Variants in CYP4B1 observed in about 807,000 individuals in gnomAD.
CYP4B1 encodes the protein cytochrome P450 family 4 subfamily B member 1.
A neutral mutation model predicts 54.0 loss-of-function variants in CYP4B1; 45 were observed. The ratio of observed to expected loss-of-function variants is 0.83; its 90% CI spans 0.66 to 1.07. The LOEUF (loss-of-function observed/expected upper bound fraction) is 1.07, where lower values mean the gene tolerates loss of function less well. Among genes scored for constraint, CYP4B1 ranks in the 50% least tolerant of loss-of-function variants. CYP4B1 has a pLI of 0.00. For missense variants in CYP4B1, 656 were observed against 655.4 expected, an observed-to-expected ratio of 1.00 and a Z score of -0.01; for synonymous variants, 248 against 247.5, an observed-to-expected ratio of 1.00 and a Z score of -0.02.
chr1:46,812,246 G>T, intron 3 of CYP4B1: 1 of 639,176 alleles, frequency 1.6e-6, no homozygotes, highest in Non-Finnish European at 2.9e-6. Flanking sequence ...CAGGCTTTGT[G>T]GGTGCAGCTG....
Position 46,800,331 on chromosome 1 carries a change from T to C in CYP4B1, c.180+1070T>C, listed in dbSNP as rs28562624. 7.3e-3 allele frequency among the ~76,000 whole-genome samples: 1,020 copies of C among 139,294 alleles called. 57 individuals carry two copies. The highest frequency in any genetic ancestry group is 0.028 in the African/African-American group (914 of 32,644). 91.4% of individuals were successfully genotyped at this position (139,294 alleles called of 152,430 possible). ...CTTCCTTCTCTTTCTCTCTCTCTCT[T>C]TCTTTCTTTCTTTTTTTGATGGGGA... On this transcript the variant is annotated intron_variant, in intron 1 of 11. Transcript: ENST00000371923.
intron 7 of CYP4B1, 82 bp downstream of exon 7, chr1:46,814,397 C>A: frequency 1.0e-6 from 1 of 996,490 alleles, no homozygotes; most frequent in Non-Finnish European, 1.5e-6. Context: ...GCAGAAGGAG[C>A]TCTTAAGCAT....
chr1:46,817,468 A>G (rs1679382141), intron 9 of CYP4B1: 1 of 490,970 alleles, frequency 2.0e-6, no homozygotes, highest in Non-Finnish European at 3.7e-6. Flanking sequence ...CATGCAGGTC[A>G]TGCCCTGAAC....
chr1:46,811,918 T>C (rs61782656), intron 3 of CYP4B1, among the ~76,000 whole-genome samples: 26 of 152,294 alleles, frequency 1.7e-4, no homozygotes, highest in African/African-American at 6.3e-4. Context: ...GACTTTTTGC[T>C]TCTAACCCTC....
At position 46,810,946 on chromosome 1, in the gene CYP4B1, G is replaced by A. The variant is rs780326518; in HGVS notation, c.319G>A (p.Gly107Arg). The A allele has an allele frequency of 3.7e-6, 6 of 1,613,962 alleles. No individual in the cohort carries two copies. Among genetic ancestry groups the A allele is most frequent in the South Asian group, 3.3e-5 (3 of 91,052 alleles). The stretch of plus-strand genomic sequence containing the variant: ...CTATGCCAAAGCTGTGTACAGCCGT[G>A]GGGGTGAGGAGAGAGGATGGGGATC... ...PDYAKAVYSR[G>R]DPKAPDVYDF... The change falls in exon 2 of 12, where the codon GGG becomes AGG. Residue 107 changes from glycine (G) to arginine (R), a missense_variant. Physicochemically the swap from Gly to Arg is moderately radical, Grantham distance 125. Transcript: ENST00000371923.
intron 1 of CYP4B1, chr1:46,806,662 T>G (rs1162098591): frequency 3.3e-5 from 5 of 152,224 alleles, no homozygotes; most frequent in African/African-American, 1.2e-4. Context: ...AGGAAAGTGG[T>G]GACGTATGCT....
Position 46,799,232 on chromosome 1 carries a change from A to G in CYP4B1, c.151A>G (p.Thr51Ala). ...KAMDKFPGPP[T>A]HWLFGHALEI... ...TATGGACAAATTCCCAGGGCCTCCC[A>G]CCCACTGGCTTTTTGGACATGCCCT... The change falls in exon 1 of 12, where the codon ACC becomes GCC. Residue 51 changes from threonine to alanine, a missense_variant. Coordinates refer to ENST00000371923, the MANE Select transcript of CYP4B1 (RefSeq NM_001099772.2). The G allele has an allele frequency of 6.2e-7, 1 of 1,600,904 alleles. No homozygotes were observed. The highest frequency in any genetic ancestry group is 8.5e-7 in the Non-Finnish European group (1 of 1,173,652).
chr1:46,801,886 T>C (rs1569853713), intron 1 of CYP4B1, among the ~76,000 whole-genome samples: 1 of 152,170 alleles, frequency 6.6e-6, no homozygotes, highest in Admixed American at 6.5e-5. Flanking sequence ...CCAGCAATGA[T>C]GGGAGTAGGA....
At chr1:46,815,431 G>C in intron 8 of CYP4B1, 167 bp downstream of exon 8, 1 of 541,932 alleles carries the variant, frequency 1.8e-6, no homozygotes, top group Non-Finnish European at 3.1e-6. Context: ...GGTTGGCTGG[G>C]CACAGATGCA....
chr1:46,818,177 A>C lies in CYP4B1; in HGVS notation c.1319A>C (p.His440Pro). 1 of 1,614,154 alleles carries C rather than the reference A, an allele frequency of 6.2e-7. No homozygotes were observed. Among genetic ancestry groups the C allele is most frequent in the Non-Finnish European group, 8.5e-7 (1 of 1,180,016 alleles). ...TCCACTGAGAATGCATCCAAACGCCATCCCTTTGCCTTTATGCCCTTCTCT... is the reference window on the plus strand; with the variant it reads ...TCCACTGAGAATGCATCCAAACGCCCTCCCTTTGCCTTTATGCCCTTCTCT... ...RFSTENASKRHPFAFMPFSAG... is the reference protein window; with the variant it reads ...RFSTENASKRPPFAFMPFSAG... Residue 440 changes from histidine (H) to proline (P), a missense_variant, in exon 11 of 12, where the codon CAT becomes CCT. Transcript: ENST00000371923.
Position 46,815,254 on chromosome 1 carries a change from TTCTTC to T in CYP4B1, c.1064_1068del (p.Phe355SerfsTer4). Reference sequence around the variant, plus strand: ...CCGCGAGATCCTAGGGGACCAGGACTTCTTCCAGTGGTGAGTCTGAGGGTGGGCCC... The same window carrying T: ...CCGCGAGATCCTAGGGGACCAGGACTCAGTGGTGAGTCTGAGGGTGGGCCC... On this transcript the variant is annotated frameshift_variant, in exon 8 of 12. Coordinates refer to ENST00000371923, the MANE Select transcript of CYP4B1 (RefSeq NM_001099772.2). LOFTEE classifies it high-confidence loss of function. The T allele has an allele frequency of 1.9e-6, 3 of 1,562,950 alleles. No individual in the cohort carries two copies. The highest frequency in any genetic ancestry group is 2.6e-6 in the Non-Finnish European group (3 of 1,153,134).
intron 1 of CYP4B1, among the ~76,000 whole-genome samples, chr1:46,801,508 A>G (rs997028498): frequency 1.3e-5 from 2 of 151,918 alleles, no homozygotes; most frequent in African/African-American, 4.8e-5. Context: ...CTTGGCTCTA[A>G]CACAACTGTC....
At chr1:46,817,585 T>C (rs1262168717) in intron 9 of CYP4B1, among the ~76,000 whole-genome samples, 2 of 152,210 alleles carry the variant, frequency 1.3e-5, no homozygotes, top group African/African-American at 4.8e-5. Context: ...ACCTGGTTCA[T>C]AGCAAGCACC....
At chr1:46,810,987 G>A (rs1384104109) in intron 2 of CYP4B1, 38 bp downstream of exon 2, 1 of 1,611,500 alleles carries the variant, frequency 6.2e-7, no homozygotes, top group Middle Eastern at 1.6e-4. Context: ...AGAGGGTGGG[G>A]CTTCCTGAGA....
intron 1 of CYP4B1, among the ~76,000 whole-genome samples, chr1:46,806,010 CCAG>C (rs1678845341): frequency 1.3e-5 from 2 of 152,274 alleles, no homozygotes; most frequent in South Asian, 4.1e-4. Flanking sequence ...CTGTGTGGTC[CCAG>C]AGGGAGACCC....
Position 46,799,231 on chromosome 1 carries a change from C to A in CYP4B1, c.150C>A (p.Pro50=). The A allele has an allele frequency of 6.2e-7, 1 of 1,601,208 alleles. No individual in the cohort carries two copies. The highest frequency in any genetic ancestry group is 2.3e-5 in the East Asian group (1 of 44,438). The change falls in exon 1 of 12, where the codon CCC becomes CCA. Residue 50 remains proline (P), a synonymous_variant. Transcript: ENST00000371923. ...CTATGGACAAATTCCCAGGGCCTCC[C>A]ACCCACTGGCTTTTTGGACATGCCC... ...AKAMDKFPGP[P]THWLFGHALE...
intron 8 of CYP4B1, among the ~76,000 whole-genome samples, chr1:46,816,581 G>C (rs1569914707): frequency 6.8e-6 from 1 of 146,596 alleles, no homozygotes; most frequent in Non-Finnish European, 1.5e-5. Context: ...AAAGGGAAAA[G>C]ACACACACAC....
At position 46,818,782 on chromosome 1, in the gene CYP4B1, C is replaced by T; in HGVS notation, c.1507C>T (p.Leu503=). The T allele has an allele frequency of 6.2e-7, 1 of 1,614,134 alleles. No individual in the cohort carries two copies. The highest frequency in any genetic ancestry group is 8.5e-7 in the Non-Finnish European group (1 of 1,180,006). The change falls in exon 12 of 12, where the codon CTG becomes TTG. Residue 503 remains leucine (L), a synonymous_variant. Transcript: ENST00000371923. ...CTCCAAGAATGGCTTTCACCTCCAC[C>T]TGAAGCCACTGGGCCCTGGGTCTGG... ...LRSKNGFHLH[L]KPLGPGSGK is the part of the protein sequence containing the mutation.
intron 1 of CYP4B1, among the ~76,000 whole-genome samples, chr1:46,809,659 C>G (rs1569882088): frequency 6.6e-6 from 1 of 152,200 alleles, no homozygotes; most frequent in Non-Finnish European, 1.5e-5. Context: ...TAGTCATTAC[C>G]ATGCCTCCCC....
Sources: gnomAD v4.1 joint callset for allele counts (sites outside exome capture counted in the v4.1 genomes callset) on GRCh38, gnomAD v4.1.1 for gene constraint, MANE v1.5 for transcripts, NCBI Gene and HGNC (gene_info 2026-07-23, HGNC 2026-07-21) for gene names.